HDAC9: variants seen among roughly 807,000 people sequenced by gnomAD.
HDAC9 encodes MEF-2 interacting transcription repressor (MITR) protein.
Under a neutral mutation model 139.4 loss-of-function variants are expected in HDAC9, and 41 were observed. The ratio of observed to expected loss-of-function variants is 0.29; its 90% CI spans 0.23 to 0.38. The LOEUF (loss-of-function observed/expected upper bound fraction) is 0.38. Among genes scored for constraint, HDAC9 ranks in the 10% least tolerant of loss-of-function variants. The pLI is 1.00. For synonymous variants in HDAC9, 517 were observed against 476.2 expected (o/e 1.09, Z -1.12); for missense variants, 1,147 against 1,297.0 (o/e 0.88, Z 1.78).
chr7:18,273,735 G>T (rs6972958), intron 2 of HDAC9, among the ~76,000 whole-genome samples: 59,350 of 152,070 alleles, frequency 0.39, 13,041 homozygotes, highest in Admixed American at 0.52. Context: ...ATATAACAAA[G>T]AATTAGCATT....
intron 12 of HDAC9, among the ~76,000 whole-genome samples, chr7:18,716,695 T>C (rs1347326516): frequency 1.3e-5 from 2 of 152,212 alleles, no homozygotes; most frequent in Non-Finnish European, 2.9e-5. Flanking sequence ...GAAACAGTGT[T>C]GTTAAATAGG....
chr7:18,608,753 A>G (rs976813117), intron 6 of HDAC9, among the ~76,000 whole-genome samples: 14 of 152,198 alleles, frequency 9.2e-5, no homozygotes, highest in Admixed American at 9.2e-4. Context: ...GGGCCTGGAC[A>G]TAAATATTAA....
At chr7:18,289,089 A>C (rs1797638701), upstream of HDAC9, among the ~76,000 whole-genome samples, 1 of 152,206 alleles carries the variant, frequency 6.6e-6, no homozygotes, top group Non-Finnish European at 1.5e-5. Context: ...GACTAAAGCC[A>C]GAGTCATGAC....
At chr7:18,320,139 A>G (rs890921775) in intron 1 of HDAC9, among the ~76,000 whole-genome samples, 2 of 152,230 alleles carry the variant, frequency 1.3e-5, no homozygotes, top group African/African-American at 4.8e-5. Flanking sequence ...AGGACATTCA[A>G]CCACACTGAG....
intron 2 of HDAC9, among the ~76,000 whole-genome samples, chr7:18,250,533 C>G (rs986928392): frequency 6.6e-6 from 1 of 152,200 alleles, no homozygotes; most frequent in Non-Finnish European, 1.5e-5. Flanking sequence ...CTATCACCAA[C>G]ATGAGGGCAA....
In HDAC9 at chr7:18,643,350, T is replaced by C. The variant is rs932913996; in HGVS notation, c.913-1321T>C. ...TGCATATAAAGTCAATGTAATGTTA[T>C]TGCTTTCAACATACCTCTTGGTTTT... On this transcript the variant is annotated intron_variant, in intron 8 of 25. Transcript: ENST00000686413. 9.8e-5 allele frequency among the ~76,000 whole-genome samples: 15 copies of C among 152,300 alleles called. No individual in the cohort carries two copies. The East Asian group carries it at 2.3e-3, about 24-fold the overall frequency.
intron 1 of HDAC9, among the ~76,000 whole-genome samples, chr7:18,092,591 A>G (rs1016381049): frequency 9.2e-5 from 14 of 152,110 alleles, no homozygotes; most frequent in African/African-American, 3.1e-4. Flanking sequence ...TTCTCCACAT[A>G]TAATAATGGG....
chr7:18,543,115 A>G (rs1197887773), intron 2 of HDAC9: 1 of 152,200 alleles, frequency 6.6e-6, no homozygotes, highest in East Asian at 1.9e-4. Context: ...TACACCTTTT[A>G]AAGTTATTTT....
At chr7:18,772,031 C>G (rs1790341477) in intron 16 of HDAC9, among the ~76,000 whole-genome samples, 1 of 152,142 alleles carries the variant, frequency 6.6e-6, no homozygotes, top group African/African-American at 2.4e-5. Context: ...TGCTCTCAAT[C>G]TCAATTGCTC....
At chr7:18,121,402 G>A (rs2128093478) in intron 1 of HDAC9, among the ~76,000 whole-genome samples, 1 of 152,216 alleles carries the variant, frequency 6.6e-6, no homozygotes, top group East Asian at 1.9e-4. Flanking sequence ...TAGCTGCTTT[G>A]TGTGATAATC....
At chr7:18,275,680 A>C (rs1796670790) in intron 2 of HDAC9, among the ~76,000 whole-genome samples, 1 of 151,962 alleles carries the variant, frequency 6.6e-6, no homozygotes. Context: ...CTTTTCTCTC[A>C]ATCTGCATGG....
intron 16 of HDAC9, among the ~76,000 whole-genome samples, chr7:18,774,945 A>G (rs1427541680): frequency 6.6e-6 from 1 of 152,018 alleles, no homozygotes; most frequent in African/African-American, 2.4e-5. Context: ...GAGAGTGTTG[A>G]GAGTGAGAGA....
intron 12 of HDAC9, chr7:18,667,485 A>T (rs1795158551): frequency 1.0e-6 from 1 of 984,338 alleles, no homozygotes; most frequent in Admixed American, 6.2e-5. Flanking sequence ...TAACAAAAAA[A>T]TTTACTTGTA....
At chr7:18,803,393 A>G (rs1793461541) in intron 17 of HDAC9, among the ~76,000 whole-genome samples, 1 of 151,734 alleles carries the variant, frequency 6.6e-6, no homozygotes, top group Non-Finnish European at 1.5e-5. Flanking sequence ...GCTATTTACC[A>G]TTTTTCTTAT....
intron 1 of HDAC9, among the ~76,000 whole-genome samples, chr7:18,154,674 G>T (rs2128122178): frequency 6.6e-6 from 1 of 152,310 alleles, no homozygotes. Flanking sequence ...TCAACGTGGG[G>T]ATTATCAGAT....
chr7:18,784,533 C>T (rs1289522426), intron 16 of HDAC9, among the ~76,000 whole-genome samples: 1 of 151,896 alleles, frequency 6.6e-6, no homozygotes, highest in Non-Finnish European at 1.5e-5. Context: ...AACTGAAGGC[C>T]ACCAGGTGCT....
intron 4 of HDAC9, 37 bp from the exon 5 acceptor site, chr7:18,591,478 TG>T: frequency 6.1e-6 from 2 of 327,776 alleles, no homozygotes; most frequent in Non-Finnish European, 4.4e-6. Context: ...TGTGTGTATG[TG>T]TGTGTGTGTG....
In HDAC9 at chr7:18,183,733, C is replaced by T. The variant is rs1789686008; in HGVS notation, c.25+21384C>T. Among the ~76,000 whole-genome samples, 3 of 152,290 alleles carry T rather than the reference C, an allele frequency of 2.0e-5. No homozygotes were observed. The South Asian group carries it at 6.2e-4, about 32-fold the overall frequency. ...ATCTTGGCCTCAAGAGATCCTCCTGCTTTGGCCTCCCAAAGTGTTGTGATT... is the reference window on the plus strand; with the variant it reads ...ATCTTGGCCTCAAGAGATCCTCCTGTTTTGGCCTCCCAAAGTGTTGTGATT... On this transcript the variant is annotated intron_variant, in intron 2 of 12. Transcript: ENST00000417496.
At chr7:18,650,416 T>A (rs1788874755) in intron 11 of HDAC9, among the ~76,000 whole-genome samples, 1 of 152,186 alleles carries the variant, frequency 6.6e-6, no homozygotes, top group Non-Finnish European at 1.5e-5. Flanking sequence ...AATTACTCAC[T>A]TTGAAATTGT....
Sources: gnomAD v4.1 joint callset for allele counts (sites outside exome capture counted in the v4.1 genomes callset) on GRCh38, gnomAD v4.1.1 for gene constraint, MANE v1.5 for transcripts, NCBI Gene and HGNC (gene_info 2026-07-23, HGNC 2026-07-21) for gene names.